The following AAGAB variants were observed in gnomAD, a reference collection of about 807,000 sequenced individuals.
The protein encoded by AAGAB is alpha and gamma adaptin binding protein, also known as alpha- and gamma-adaptin-binding protein p34.
Under a neutral mutation model 44.1 loss-of-function variants are expected in AAGAB, and 38 were observed. The observed-to-expected ratio is 0.86, with a 90% CI of 0.67 to 1.13. The LOEUF (loss-of-function observed/expected upper bound fraction) is 1.13. AAGAB is among the 50% of genes most tolerant of loss of function. AAGAB has a pLI of 0.00. For synonymous variants in AAGAB, 131 were observed against 131.8 expected (o/e 0.99, Z 0.04); for missense variants, 450 against 373.8 (o/e 1.20, Z -1.68).
At chr15:67,249,840 T>C (rs1003552008) in intron 1 of AAGAB, among the ~76,000 whole-genome samples, 13 of 152,204 alleles carry the variant, frequency 8.5e-5, no homozygotes, top group Non-Finnish European at 1.6e-4. Flanking sequence ...AGTTTCTTCA[T>C]CTGCAAAATG....
At chr15:67,207,945 A>C (rs1026889472) in intron 7 of AAGAB, among the ~76,000 whole-genome samples, 3 of 152,220 alleles carry the variant, frequency 2.0e-5, no homozygotes, top group African/African-American at 7.2e-5. Context: ...AAAATTTATT[A>C]CTGCACATGA....
At position 67,233,184 on chromosome 15, in the gene AAGAB, ATT is replaced by A. The variant is rs1168978773; in HGVS notation, c.452-1289_452-1288del. On this transcript the variant is annotated intron_variant, in intron 4 of 9. Transcript: ENST00000261880. ...TGGAAACCATAGAATAATAAGTGTTATTTTTGATCGATACCTATAGAAGAACT... is the reference window on the plus strand; with the variant it reads ...TGGAAACCATAGAATAATAAGTGTTATTTGATCGATACCTATAGAAGAACT... 2.0e-5 allele frequency among the ~76,000 whole-genome samples: 3 copies of A among 152,340 alleles called. No individual in the cohort carries two copies. The East Asian group carries it at 5.8e-4, about 29-fold the overall frequency.
chr15:67,231,839 C>T lies in AAGAB; in HGVS notation c.510G>A (p.Val170=), dbSNP rs764092859. Residue 170 remains valine (V), a synonymous_variant, in exon 5 of 10, where the codon GTG becomes GTA. Transcript: ENST00000261880. ...CATTCTTCATCACTACATTGGACCA[C>T]ACATTGGCATTCAGGGCTTGGACAA... ...KRIVQALNAN[V]WSNVVMKNDR... is the part of the protein sequence containing the mutation. 6.2e-7 allele frequency: 1 copy of T among 1,612,604 alleles called. No individual in the cohort carries two copies. Among genetic ancestry groups the T allele is most frequent in the South Asian group, 1.1e-5 (1 of 91,072 alleles).
At chr15:67,223,245 A>G (rs771215603) in intron 5 of AAGAB, among the ~76,000 whole-genome samples, 1 of 151,872 alleles carries the variant, frequency 6.6e-6, no homozygotes, top group Non-Finnish European at 1.5e-5. Context: ...TTCTCCCCAA[A>G]CTCCAAAATC....
At chr15:67,241,945 T>G (rs1018682419) in intron 1 of AAGAB, among the ~76,000 whole-genome samples, 3 of 152,154 alleles carry the variant, frequency 2.0e-5, no homozygotes, top group African/African-American at 7.2e-5. Context: ...TCTTTTCCAC[T>G]GCTAAGGCAT....
chr15:67,203,150 C>G lies in AAGAB; in HGVS notation c.871-252G>C, dbSNP rs573683562. Among the ~76,000 whole-genome samples the G allele has an allele frequency of 1.4e-3, 211 of 152,128 alleles. 1 individual carries two copies. Among genetic ancestry groups the G allele is most frequent in the African/African-American group, 5.0e-3 (206 of 41,510 alleles). Reference sequence around the variant, plus strand: ...TGCACAGCTTTGTTATTTATAGAAGCAAAAAATGCACATGACCTAAATGTC... The same window carrying G: ...TGCACAGCTTTGTTATTTATAGAAGGAAAAAATGCACATGACCTAAATGTC... On this transcript the variant is annotated intron_variant, in intron 9 of 9. Transcript: ENST00000261880.
chr15:67,203,535 C>T lies in AAGAB; in HGVS notation c.870+13G>A, dbSNP rs760255012. ...TTATAGGTATTCAATAAATACCTGGCTGATTGTCTCACCTTTTCTGCATGC... is the reference window on the plus strand; with the variant it reads ...TTATAGGTATTCAATAAATACCTGGTTGATTGTCTCACCTTTTCTGCATGC... On this transcript the variant is annotated intron_variant, in intron 9 of 9. Transcript: ENST00000261880. 1 of 1,612,346 alleles carries T rather than the reference C, an allele frequency of 6.2e-7. No individual in the cohort carries two copies. Among genetic ancestry groups the T allele is most frequent in the Admixed American group, 1.7e-5 (1 of 59,940 alleles).
chr15:67,254,009 C>T (rs1394683258), intron 1 of AAGAB, among the ~76,000 whole-genome samples: 2 of 152,194 alleles, frequency 1.3e-5, no homozygotes, highest in Non-Finnish European at 2.9e-5. Flanking sequence ...CCCAATCATA[C>T]CCAAAAACTC....
In AAGAB at chr15:67,209,526, C is replaced by T. The variant is rs1227105797; in HGVS notation, c.554G>A (p.Ser185Asn). The T allele has an allele frequency of 1.9e-6, 3 of 1,614,070 alleles. No individual in the cohort carries two copies. ...TGTTCCAGTCAATGAGTTGAGAAGG[C>T]TAAAGCCTTGGTTCCTATCTGAAAA... ...VMKNDRNQGF[S>N]LLNSLTGTNH... The change falls in exon 6 of 10, where the codon AGC becomes AAC. Residue 185 changes from serine to asparagine, a missense_variant. Physicochemically the swap from Ser to Asn is conservative, Grantham distance 46. Coordinates refer to ENST00000261880, the MANE Select transcript of AAGAB (RefSeq NM_024666.5).
intron 7 of AAGAB, among the ~76,000 whole-genome samples, chr15:67,207,985 A>G (rs970142571): frequency 1.3e-5 from 2 of 152,210 alleles, no homozygotes; most frequent in African/African-American, 4.8e-5. Context: ...TAAAGTAGGA[A>G]TATCAGTAGT....
At chr15:67,220,433 A>G (rs935260809) in intron 5 of AAGAB, 4 of 152,224 alleles carry the variant, frequency 2.6e-5, no homozygotes, top group African/African-American at 7.2e-5. Flanking sequence ...GGAAAAACAT[A>G]TAACAGTCTT....
In AAGAB at chr15:67,211,885, CT is replaced by C. The variant is rs11397902; in HGVS notation, c.536-2342del. 3.4e-3 allele frequency among the ~76,000 whole-genome samples: 508 copies of C among 147,752 alleles called. 21 individuals carry two copies. The East Asian group carries it at 0.081, about 23-fold the overall frequency. On this transcript the variant is annotated intron_variant, in intron 5 of 9. Coordinates refer to ENST00000261880, the MANE Select transcript of AAGAB (RefSeq NM_024666.5). Reference sequence around the variant, plus strand: ...AGCAGTCTATTTGAAATGCCTAATTCTTTTTTTTTTTTGAGACAGAGTCTCA... The same window carrying C: ...AGCAGTCTATTTGAAATGCCTAATTCTTTTTTTTTTTGAGACAGAGTCTCA...
chr15:67,226,923 T>C, intron 5 of AAGAB: 1 of 298,778 alleles, frequency 3.3e-6, no homozygotes, highest in Non-Finnish European at 6.9e-6. Context: ...ATTAAATATT[T>C]GACCTTTGAA....
intron 5 of AAGAB, chr15:67,220,889 T>C (rs1047308567): frequency 6.6e-5 from 10 of 152,200 alleles, no homozygotes; most frequent in Admixed American, 3.9e-4. Flanking sequence ...TCTCTTAATA[T>C]AAAGTACTCC....
chr15:67,250,623 T>A (rs965865535), intron 1 of AAGAB, among the ~76,000 whole-genome samples: 1 of 152,222 alleles, frequency 6.6e-6, no homozygotes, highest in East Asian at 1.9e-4. Context: ...GTAAAACTTT[T>A]GTAAAATATA....
At chr15:67,232,526 C>A in intron 4 of AAGAB, 1 of 378,140 alleles carries the variant, frequency 2.6e-6, no homozygotes. Context: ...TCATTGATGT[C>A]CTTCACCCCG....
rs549927863 is a variant in AAGAB, at chr15:67,238,531, C to T, written c.74-1711G>A. Among the ~76,000 whole-genome samples, 96 of 152,294 alleles carry T rather than the reference C, an allele frequency of 6.3e-4. 1 individual carries two copies. The highest frequency in any genetic ancestry group is 5.2e-3 in the South Asian group (25 of 4,828). ...ACTTCAAGAAGGTGGCATAGTAACA[C>T]GTGGCTGTGTTTCTAAGAGCTGAAT... is the stretch of plus-strand genomic sequence containing the variant. On this transcript the variant is annotated intron_variant, in intron 1 of 9. Coordinates refer to ENST00000261880, the MANE Select transcript of AAGAB (RefSeq NM_024666.5).
At chr15:67,213,055 A>G (rs960928831) in intron 5 of AAGAB, among the ~76,000 whole-genome samples, 3 of 152,194 alleles carry the variant, frequency 2.0e-5, no homozygotes, top group Non-Finnish European at 4.4e-5. Context: ...TCACCTCCTC[A>G]GCTGATTCTT....
At chr15:67,247,391 G>A (rs968954664) in intron 1 of AAGAB, among the ~76,000 whole-genome samples, 8 of 152,212 alleles carry the variant, frequency 5.3e-5, no homozygotes, top group African/African-American at 1.9e-4. Context: ...AGAAAAGGCA[G>A]TAAGTTGTTT....
Sources: gnomAD v4.1 joint callset for allele counts (sites outside exome capture counted in the v4.1 genomes callset) on GRCh38, gnomAD v4.1.1 for gene constraint, MANE v1.5 for transcripts, NCBI Gene and HGNC (gene_info 2026-07-23, HGNC 2026-07-21) for gene names.